Variants in CEP97 observed in about 807,000 individuals in gnomAD.
The protein encoded by CEP97 is centrosomal protein of 97 kDa.
In CEP97, 43 loss-of-function variants were observed where a neutral mutation model predicts 73.1. The ratio of observed to expected loss-of-function variants is 0.59; its 90% CI spans 0.46 to 0.76. The LOEUF is 0.76. CEP97 is among the 30% of genes least tolerant of loss of function. The pLI is 0.00. For missense variants in CEP97, 939 were observed against 1,014.0 expected (o/e 0.93, Z 1.00); for synonymous variants, 337 against 370.0 (o/e 0.91, Z 1.02).
Position 101,728,890 on chromosome 3 carries a change from A to G in CEP97, c.400A>G (p.Asn134Asp). Residue 134 changes from asparagine (N) to aspartate (D), a missense_variant, in exon 4 of 11, where the codon AAT becomes GAT. Transcript: ENST00000341893. ...TALQHLDLSD[N>D]NISQIGDLSK... is the part of the protein sequence containing the mutation. ...TCTACAGCATCTCGATTTATCAGAC[A>G]ATAATATATCCCAGATAGGTGATCT... 2.5e-6 allele frequency: 4 copies of G among 1,606,412 alleles called. No individual in the cohort carries two copies. The South Asian group carries it at 4.4e-5, about 18-fold the overall frequency.
chr3:101,759,448 T>G (rs1429137802), intron 9 of CEP97: 2 of 152,138 alleles, frequency 1.3e-5, no homozygotes, highest in African/African-American at 4.8e-5. Flanking sequence ...ACATAGGTAT[T>G]GAGTACCCAT....
At chr3:101,735,997 C>T (rs528066495) in intron 6 of CEP97, among the ~76,000 whole-genome samples, 38 of 152,154 alleles carry the variant, frequency 2.5e-4, no homozygotes, top group African/African-American at 5.3e-4. Context: ...CTGGGATGCT[C>T]GAGCTTGTCG....
At position 101,757,190 on chromosome 3, in the gene CEP97, GA is replaced by G; in HGVS notation, c.1024del (p.Ser342ValfsTer7). ...SPVQDCQISQ[E>X]SEPVIQVNSW... ...TGTTCAAGATTGCCAGATATCCCAG[GA>G]AAGTGGTAAGAAATGAATTTATCTC... On this transcript the variant is annotated frameshift_variant, in exon 8 of 11. Coordinates refer to ENST00000341893, the MANE Select transcript of CEP97 (RefSeq NM_024548.4). LOFTEE classifies it high-confidence loss of function. The G allele has an allele frequency of 6.2e-7, 1 of 1,601,950 alleles. No individual in the cohort carries two copies. Among genetic ancestry groups the G allele is most frequent in the Admixed American group, 1.8e-5 (1 of 56,728 alleles).
chr3:101,765,345 A>T lies in CEP97; in HGVS notation c.2392A>T (p.Ser798Cys). 1 of 1,614,182 alleles carries T rather than the reference A, an allele frequency of 6.2e-7. No individual in the cohort carries two copies. The highest frequency in any genetic ancestry group is 1.3e-5 in the African/African-American group (1 of 75,080). ...RTNFDTETRD[S>C]KLHIACFPVQ... The stretch of plus-strand genomic sequence containing the variant: ...CAATTTTGATACAGAGACAAGAGAT[A>T]GCAAACTTCACATTGCTTGTTTCCC... The change falls in exon 11 of 11, where the codon AGC becomes TGC. Residue 798 changes from serine to cysteine, a missense_variant. Physicochemically the swap from Ser to Cys is moderately radical, Grantham distance 112. Coordinates refer to ENST00000341893, the MANE Select transcript of CEP97 (RefSeq NM_024548.4).
chr3:101,751,267 G>T (rs557218777), intron 6 of CEP97, among the ~76,000 whole-genome samples: 2 of 152,246 alleles, frequency 1.3e-5, no homozygotes, highest in African/African-American at 4.8e-5. Flanking sequence ...ATTGCACTGT[G>T]GTCTGAGAGA....
Position 101,767,864 on chromosome 3 carries a change from G to A in CEP97, c.*2313G>A, listed in dbSNP as rs943609506. 6.6e-6 allele frequency: 1 copy of A among 152,168 alleles called. No individual in the cohort carries two copies. Among genetic ancestry groups the A allele is most frequent in the Admixed American group, 6.5e-5 (1 of 15,272 alleles). The allele number at this position is 152,168 out of a possible 1,614,324, so 9.4% of individuals were successfully genotyped here. A position where few individuals can be genotyped will look rare whatever the true frequency, so the allele number is the denominator to read the frequency against. Reference sequence around the variant, plus strand: ...AAATGAAAATACTGTAAATTAGAGTGTAGGAAAACTGGCATAGAGTTAATA... The same window carrying A: ...AAATGAAAATACTGTAAATTAGAGTATAGGAAAACTGGCATAGAGTTAATA... On this transcript the variant is annotated 3_prime_UTR_variant, in exon 11 of 11. Coordinates refer to ENST00000341893, the MANE Select transcript of CEP97 (RefSeq NM_024548.4).
chr3:101,730,632 T>A (rs1938079600), intron 4 of CEP97, among the ~76,000 whole-genome samples: 1 of 151,898 alleles, frequency 6.6e-6, no homozygotes, highest in Admixed American at 6.6e-5. Flanking sequence ...AGGTATTAGC[T>A]AATTGTCAAA....
chr3:101,750,324 T>C (rs1170270536), intron 6 of CEP97, among the ~76,000 whole-genome samples: 1 of 150,690 alleles, frequency 6.6e-6, no homozygotes, highest in Non-Finnish European at 1.5e-5. Flanking sequence ...GCGTTATTTC[T>C]GAGGGCTCTG....
At chr3:101,725,891 A>C (rs1364406357) in intron 1 of CEP97, among the ~76,000 whole-genome samples, 1 of 142,454 alleles carries the variant, frequency 7.0e-6, no homozygotes, top group Non-Finnish European at 1.5e-5. Context: ...TTTTTTTTAC[A>C]TTATCTCATT....
intron 9 of CEP97, chr3:101,759,240 A>G (rs999093023): frequency 2.0e-5 from 3 of 152,240 alleles, no homozygotes; most frequent in Non-Finnish European, 2.9e-5. Context: ...TACAGATTAG[A>G]ATCAGTAAAG....
chr3:101,731,570 CT>C (rs1157047960), intron 4 of CEP97, among the ~76,000 whole-genome samples: 1 of 152,168 alleles, frequency 6.6e-6, no homozygotes, highest in Non-Finnish European at 1.5e-5. Flanking sequence ...TAAGTTAAAT[CT>C]CACAGCATGC....
chr3:101,769,527 G>C lies in CEP97; in HGVS notation c.*3976G>C, dbSNP rs1939407326. 1 of 151,940 alleles carries C rather than the reference G, an allele frequency of 6.6e-6. No homozygotes were observed. The highest frequency in any genetic ancestry group is 2.1e-4 in the South Asian group (1 of 4,800). 9.4% of individuals were successfully genotyped at this position (151,940 alleles called of 1,614,324 possible). A position where few individuals can be genotyped will look rare whatever the true frequency, so the allele number is the denominator to read the frequency against. On this transcript the variant is annotated 3_prime_UTR_variant, in exon 11 of 11. Transcript: ENST00000341893. ...GATGGGGTTTCACCATGTTGGCCAG[G>C]CTGGTCTCGAACTCCTGACCTCAAG...
At chr3:101,744,719 T>C (rs966547225) in intron 6 of CEP97, among the ~76,000 whole-genome samples, 1 of 152,140 alleles carries the variant, frequency 6.6e-6, no homozygotes, top group Non-Finnish European at 1.5e-5. Flanking sequence ...TCTGGAAGTA[T>C]TGTGTTCAGG....
intron 3 of CEP97, among the ~76,000 whole-genome samples, chr3:101,728,261 T>C (rs925200714): frequency 7.6e-6 from 1 of 131,376 alleles, no homozygotes; most frequent in African/African-American, 3.0e-5. Flanking sequence ...TGGTTTCTTT[T>C]GTTTTTTTTT....
At chr3:101,732,454 T>C in intron 5 of CEP97, 34 bp from the exon 6 acceptor site, 3 of 1,523,316 alleles carry the variant, frequency 2.0e-6, no homozygotes, top group Non-Finnish European at 2.7e-6. Flanking sequence ...CACTGAATAG[T>C]CCTTTTGTTC....
intron 6 of CEP97, among the ~76,000 whole-genome samples, chr3:101,747,297 T>C (rs1938650412): frequency 6.7e-6 from 1 of 149,716 alleles, no homozygotes; most frequent in African/African-American, 2.5e-5. Context: ...TCTCACTCTG[T>C]CGCCCAGGTT....
intron 10 of CEP97, chr3:101,763,310 A>C (rs567393986): frequency 2.5e-6 from 2 of 805,842 alleles, no homozygotes; most frequent in Non-Finnish European, 3.3e-6. Context: ...TTATAGAATA[A>C]TAATACTGTG....
intron 6 of CEP97, among the ~76,000 whole-genome samples, chr3:101,733,084 T>C (rs1272670761): frequency 6.6e-6 from 1 of 152,120 alleles, no homozygotes; most frequent in Non-Finnish European, 1.5e-5. Flanking sequence ...GGTTGTGTCA[T>C]TGCACTCTAC....
rs1939302173 is a variant in CEP97 at position 101,765,749 on chromosome 3, G to A, written c.*198G>A. On this transcript the variant is annotated 3_prime_UTR_variant, in exon 11 of 11. Coordinates refer to ENST00000341893, the MANE Select transcript of CEP97 (RefSeq NM_024548.4). Reference sequence around the variant, plus strand: ...TTTGATTTTGTTAGCTTTTTACTTAGCTGTAAGGTACCAAACTATTTATAT... The same window carrying A: ...TTTGATTTTGTTAGCTTTTTACTTAACTGTAAGGTACCAAACTATTTATAT... 3.7e-6 allele frequency: 2 copies of A among 546,862 alleles called. No homozygotes were observed. The highest frequency in any genetic ancestry group is 5.0e-5 in the South Asian group (2 of 40,216). 33.9% of individuals were successfully genotyped at this position (546,862 alleles called of 1,614,324 possible).
Sources: allele counts gnomAD v4.1 joint callset (sites outside exome capture counted in the v4.1 genomes callset), GRCh38; gene constraint gnomAD v4.1.1; transcripts MANE v1.5; gene names NCBI Gene and HGNC (gene_info 2026-07-23, HGNC 2026-07-21).